The following LRRC4C variants were observed in gnomAD, a reference collection of about 807,000 sequenced individuals.
LRRC4C encodes leucine rich repeat containing 4C, also known as leucine-rich repeat-containing protein 4C.
Under a neutral mutation model 33.6 loss-of-function variants are expected in LRRC4C, and 5 were observed. The ratio of observed to expected loss-of-function variants is 0.15; its 90% CI spans 0.08 to 0.31. The LOEUF is 0.31. Ranked by LOEUF, LRRC4C falls within the 10% of genes least tolerant of loss-of-function variation. The pLI is 1.00. For synonymous variants in LRRC4C, 329 were observed against 302.0 expected (o/e 1.09, Z -0.93); for missense variants, 560 against 796.7 (o/e 0.70, Z 3.58).
intron 2 of LRRC4C, among the ~76,000 whole-genome samples, chr11:40,650,902 C>T (rs1393137901): frequency 6.6e-6 from 1 of 152,062 alleles, no homozygotes; most frequent in East Asian, 1.9e-4. Context: ...CCACAGAAAA[C>T]CCTCTGCCTC....
At chr11:40,434,839 T>G (rs1029163618) in intron 3 of LRRC4C, among the ~76,000 whole-genome samples, 1 of 152,076 alleles carries the variant, frequency 6.6e-6, no homozygotes, top group African/African-American at 2.4e-5. Flanking sequence ...TTTGCCTGAG[T>G]TTTAAGGATT....
intron 1 of LRRC4C, among the ~76,000 whole-genome samples, chr11:41,278,080 T>C (rs1457345064): frequency 6.6e-6 from 1 of 152,106 alleles, no homozygotes. Context: ...GGATGCATAA[T>C]TACAGTTAGA....
chr11:40,294,853 A>T (rs1001647649), intron 4 of LRRC4C, among the ~76,000 whole-genome samples: 8 of 151,354 alleles, frequency 5.3e-5, no homozygotes, highest in Admixed American at 2.0e-4. Flanking sequence ...ATAAATAAAT[A>T]AAAAAAAAGA....
chr11:41,220,034 C>A (rs1051052824), intron 1 of LRRC4C, among the ~76,000 whole-genome samples: 1 of 152,014 alleles, frequency 6.6e-6, no homozygotes. Context: ...TAGTAGGGAG[C>A]CCCTTGAAGA....
intron 3 of LRRC4C, among the ~76,000 whole-genome samples, chr11:40,546,468 G>T (rs1293208940): frequency 6.6e-6 from 1 of 152,008 alleles, no homozygotes; most frequent in Non-Finnish European, 1.5e-5. Flanking sequence ...TTACATGGTT[G>T]TGATAAAATT....
chr11:41,157,449 A>C (rs969765195), intron 1 of LRRC4C, among the ~76,000 whole-genome samples: 1 of 152,180 alleles, frequency 6.6e-6, no homozygotes, highest in African/African-American at 2.4e-5. Flanking sequence ...ACCATTTAAA[A>C]TTCACTCAAC....
chr11:40,646,768 A>G (rs893440352), intron 3 of LRRC4C, among the ~76,000 whole-genome samples: 1 of 152,020 alleles, frequency 6.6e-6, no homozygotes, highest in Admixed American at 6.5e-5. Flanking sequence ...CACCGCGCCC[A>G]GCTAATTTTT....
chr11:40,949,912 A>G (rs1157707438), intron 1 of LRRC4C, among the ~76,000 whole-genome samples: 1 of 152,178 alleles, frequency 6.6e-6, no homozygotes, highest in Non-Finnish European at 1.5e-5. Flanking sequence ...ATTAAAAGAC[A>G]CAGACTGGCA....
At chr11:40,822,875 A>T (rs919674378) in intron 2 of LRRC4C, among the ~76,000 whole-genome samples, 1 of 151,516 alleles carries the variant, frequency 6.6e-6, no homozygotes, top group Non-Finnish European at 1.5e-5. Context: ...GTTTAGTTTA[A>T]TTTTTCCTGT....
At chr11:40,924,492 GC>G (rs140180409) in intron 2 of LRRC4C, among the ~76,000 whole-genome samples, 140 of 152,170 alleles carry the variant, frequency 9.2e-4, no homozygotes, top group African/African-American at 3.2e-3. Context: ...AATAGGTAAG[GC>G]TGGGCAGGGA....
At chr11:40,227,348 G>A (rs1259936106) in intron 5 of LRRC4C, among the ~76,000 whole-genome samples, 1 of 152,196 alleles carries the variant, frequency 6.6e-6, no homozygotes, top group Non-Finnish European at 1.5e-5. Context: ...CTTTGAAGAT[G>A]ATTGTTATGA....
intron 1 of LRRC4C, among the ~76,000 whole-genome samples, chr11:40,941,907 A>G (rs569788631): frequency 6.6e-6 from 1 of 152,250 alleles, no homozygotes; most frequent in South Asian, 2.1e-4. Context: ...TAGAGAAGGC[A>G]TTATTATAGC....
intron 1 of LRRC4C, among the ~76,000 whole-genome samples, chr11:41,068,392 T>C (rs1407896664): frequency 6.7e-6 from 1 of 148,490 alleles, no homozygotes; most frequent in Admixed American, 6.7e-5. Context: ...CTCCGTCCCC[T>C]CCCCCCAACA....
chr11:41,100,974 T>C (rs1590579539), intron 1 of LRRC4C, among the ~76,000 whole-genome samples: 1 of 151,688 alleles, frequency 6.6e-6, no homozygotes, highest in East Asian at 1.9e-4. Context: ...TGTGCTGAGA[T>C]AGCTGTCTAG....
intron 3 of LRRC4C, among the ~76,000 whole-genome samples, chr11:40,615,714 A>G (rs1166787621): frequency 6.6e-6 from 1 of 151,736 alleles, no homozygotes; most frequent in East Asian, 1.9e-4. Flanking sequence ...AATTACATTA[A>G]AAAGTGCAAG....
chr11:41,356,256 G>T (rs115411500), intron 1 of LRRC4C, among the ~76,000 whole-genome samples: 4 of 152,036 alleles, frequency 2.6e-5, no homozygotes, highest in African/African-American at 9.7e-5. Flanking sequence ...GATGTTATAG[G>T]TACCAGATGT....
intron 3 of LRRC4C, among the ~76,000 whole-genome samples, chr11:40,585,121 C>T (rs756225300): frequency 2.0e-5 from 3 of 151,958 alleles, no homozygotes; most frequent in Admixed American, 6.6e-5. Flanking sequence ...CAGATAGGAC[C>T]ATGCAATGCT....
chr11:41,388,219 A>G (rs1953438119), intron 1 of LRRC4C, among the ~76,000 whole-genome samples: 1 of 151,858 alleles, frequency 6.6e-6, no homozygotes, highest in Non-Finnish European at 1.5e-5. Context: ...ACAGAGAAAT[A>G]GAAAGTAGAT....
intron 1 of LRRC4C, among the ~76,000 whole-genome samples, chr11:41,371,977 A>T (rs1405483068): frequency 6.6e-6 from 1 of 152,164 alleles, no homozygotes; most frequent in Non-Finnish European, 1.5e-5. Context: ...CTACTAAAAA[A>T]TACAAAGAAA....
Sources: gnomAD v4.1 joint callset for allele counts (sites outside exome capture counted in the v4.1 genomes callset) on GRCh38, gnomAD v4.1.1 for gene constraint, MANE v1.5 for transcripts, NCBI Gene and HGNC (gene_info 2026-07-23, HGNC 2026-07-21) for gene names.